The following AGPAT3 variants were observed in gnomAD, a reference collection of about 807,000 sequenced individuals.
The protein encoded by AGPAT3 is 1-acyl-sn-glycerol-3-phosphate acyltransferase gamma.
A neutral mutation model predicts 47.3 loss-of-function variants in AGPAT3; 5 were observed. The ratio of observed to expected loss-of-function variants is 0.11; its 90% confidence interval spans 0.06 to 0.22. The LOEUF is 0.22. AGPAT3 is among the 10% of genes least tolerant of loss of function. The pLI is 1.00. For missense variants in AGPAT3, 315 were observed against 493.0 expected, an observed-to-expected ratio of 0.64 and a Z score of 3.42; for synonymous variants, 212 against 208.3, an observed-to-expected ratio of 1.02 and a Z score of -0.15.
At chr21:43,898,923 TCA>T (rs1244155270) in intron 1 of AGPAT3, among the ~76,000 whole-genome samples, 1 of 152,168 alleles carries the variant, frequency 6.6e-6, no homozygotes, top group Non-Finnish European at 1.5e-5. Flanking sequence ...ACCATGTTGT[TCA>T]CGCTGGTCTC....
intron 2 of AGPAT3, among the ~76,000 whole-genome samples, chr21:43,904,671 G>T (rs1406555473): frequency 1.3e-5 from 2 of 152,126 alleles, no homozygotes; most frequent in Non-Finnish European, 2.9e-5. Flanking sequence ...CTCCTCCTGT[G>T]CTCCTGCAGC....
intron 1 of AGPAT3, among the ~76,000 whole-genome samples, chr21:43,877,737 C>T (rs868236547): frequency 2.8e-4 from 42 of 152,066 alleles, no homozygotes; most frequent in African/African-American, 9.4e-4. Flanking sequence ...AGCCACTGCG[C>T]CTGGCTGAAA....
At position 43,987,136 on chromosome 21, in the gene AGPAT3, A is replaced by T. The variant is rs554312678; in HGVS notation, c.*4744A>T. On this transcript the variant is annotated 3_prime_UTR_variant, in exon 10 of 10. Coordinates refer to ENST00000291572, the MANE Select transcript of AGPAT3 (RefSeq NM_020132.5). ...ATAAAATATCCACAATATAAGAGAA[A>T]GCGACTCCGTGCCTCCTTCTGTTTC... Among the ~76,000 whole-genome samples, 8 of 151,836 alleles carry T rather than the reference A, an allele frequency of 5.3e-5. No homozygotes were observed. The highest frequency in any genetic ancestry group is 8.8e-5 in the Non-Finnish European group (6 of 67,974).
At chr21:43,938,358 C>G (rs955428373) in intron 2 of AGPAT3, among the ~76,000 whole-genome samples, 1 of 104,528 alleles carries the variant, frequency 9.6e-6, no homozygotes, top group Non-Finnish European at 1.8e-5. Context: ...GAGTCTTGCT[C>G]TTGTTGCCCA....
At chr21:43,977,449 G>C (rs2089658649) in intron 7 of AGPAT3, among the ~76,000 whole-genome samples, 1 of 152,180 alleles carries the variant, frequency 6.6e-6, no homozygotes, top group South Asian at 2.1e-4. Flanking sequence ...AATCACTCGT[G>C]GGCACCCTGG....
chr21:43,958,859 G>GGT (rs1231170797), intron 2 of AGPAT3, among the ~76,000 whole-genome samples: 3 of 147,156 alleles, frequency 2.0e-5, no homozygotes, highest in Non-Finnish European at 4.5e-5. Flanking sequence ...TGTGGTTTGC[G>GGT]GTGTGTGTGT....
chr21:43,926,712 C>T (rs1167034132), intron 2 of AGPAT3, among the ~76,000 whole-genome samples: 2 of 137,116 alleles, frequency 1.5e-5, no homozygotes, highest in Non-Finnish European at 3.0e-5. Flanking sequence ...GTAATCCCAG[C>T]ACTTTGGGAG....
At chr21:43,956,605 G>A (rs991739400) in intron 2 of AGPAT3, among the ~76,000 whole-genome samples, 10 of 152,182 alleles carry the variant, frequency 6.6e-5, no homozygotes, top group African/African-American at 2.4e-4. Flanking sequence ...CACAGTGTGG[G>A]GGCATCAAAC....
Position 43,922,089 on chromosome 21 carries a change from T to A in AGPAT3, c.-49+18070T>A, listed in dbSNP as rs905627880. Among the ~76,000 whole-genome samples, 1 of 152,210 alleles carries A rather than the reference T, an allele frequency of 6.6e-6. No homozygotes were observed. Among genetic ancestry groups the A allele is most frequent in the Non-Finnish European group, 1.5e-5 (1 of 68,038 alleles). ...GCTTCCTTATTTGGGGGAGATTTTT[T>A]ATAATGGAAAAGGTTTCCTTTTTTG... On this transcript the variant is annotated intron_variant, in intron 2 of 9. Coordinates refer to ENST00000291572, the MANE Select transcript of AGPAT3 (RefSeq NM_020132.5). The surrounding 1 kb of genome is among the most constrained non-coding windows in gnomAD (Gnocchi z 4.9).
At chr21:43,945,436 G>A (rs1459305736) in intron 2 of AGPAT3, among the ~76,000 whole-genome samples, 1 of 152,236 alleles carries the variant, frequency 6.6e-6, no homozygotes, top group Non-Finnish European at 1.5e-5. Context: ...TAATGGTTTA[G>A]AAACTATCTT....
At chr21:43,977,915 T>C in intron 7 of AGPAT3, 131 bp from the exon 8 acceptor site, 1 of 617,722 alleles carries the variant, frequency 1.6e-6, no homozygotes, top group Non-Finnish European at 2.8e-6. Context: ...GAAAAGAAAT[T>C]GAGAGTGAGA....
chr21:43,959,082 T>TGTGTGTGTGGCATGTGAGTGGTTTGC (rs1555909854), intron 2 of AGPAT3, among the ~76,000 whole-genome samples: 1 of 121,986 alleles, frequency 8.2e-6, no homozygotes. Flanking sequence ...GTGTGGTTTG[T>TGTGTGTGTGGCATGTGAGTGGTTTGC]GGTGTGTGTG....
At chr21:43,917,273 G>A (rs909809887) in intron 2 of AGPAT3, among the ~76,000 whole-genome samples, 5 of 151,768 alleles carry the variant, frequency 3.3e-5, no homozygotes, top group Admixed American at 6.6e-5. Flanking sequence ...TTGCCGGCGC[G>A]GTCCCGCTGC....
intron 2 of AGPAT3, among the ~76,000 whole-genome samples, chr21:43,918,120 T>G (rs892194951): frequency 2.1e-5 from 3 of 141,014 alleles, no homozygotes; most frequent in African/African-American, 8.1e-5. Context: ...GTGTTATGGG[T>G]GTTGTGGGGG....
intron 7 of AGPAT3, among the ~76,000 whole-genome samples, chr21:43,977,549 T>C (rs2089664354): frequency 6.6e-6 from 1 of 152,200 alleles, no homozygotes; most frequent in Non-Finnish European, 1.5e-5. Flanking sequence ...GGCGGATGCC[T>C]GAGGAGAAGC....
At position 43,933,317 on chromosome 21, in the gene AGPAT3, G is replaced by C. The variant is rs2087321451; in HGVS notation, c.-48-26317G>C. On this transcript the variant is annotated intron_variant, in intron 2 of 9. Coordinates refer to ENST00000291572, the MANE Select transcript of AGPAT3 (RefSeq NM_020132.5). This position sits in a 1 kb window ranked among gnomAD's most constrained non-coding sequence, Gnocchi z 6.0. ...CTGCATCGGGCATGTGGTCTGCAGG[G>C]TTTTCTCTCCCTTGCGGGTCGTCTC... 6.6e-6 allele frequency among the ~76,000 whole-genome samples: 1 copy of C among 152,222 alleles called. No individual in the cohort carries two copies. Among genetic ancestry groups the C allele is most frequent in the Non-Finnish European group, 1.5e-5 (1 of 68,008 alleles).
At position 43,982,427 on chromosome 21, in the gene AGPAT3, G is replaced by C; in HGVS notation, c.*35G>C. Reference sequence around the variant, plus strand: ...GTGACTGAACACACGCGGCCCTGACGGTGGTATCCAGTTAACTCAAAACCA... The same window carrying C: ...GTGACTGAACACACGCGGCCCTGACCGTGGTATCCAGTTAACTCAAAACCA... On this transcript the variant is annotated 3_prime_UTR_variant, in exon 10 of 10. Coordinates refer to ENST00000291572, the MANE Select transcript of AGPAT3 (RefSeq NM_020132.5). This position sits in a 1 kb window ranked among gnomAD's most constrained non-coding sequence, Gnocchi z 6.2. The C allele has an allele frequency of 6.6e-7, 1 of 1,506,536 alleles. No homozygotes were observed. Among genetic ancestry groups the C allele is most frequent in the Non-Finnish European group, 9.2e-7 (1 of 1,085,400 alleles). The allele number at this position is 1,506,536 out of a possible 1,614,324, so 93.3% of individuals were successfully genotyped here.
Position 43,970,558 on chromosome 21 carries a change from C to T in AGPAT3, c.511-95C>T. On this transcript the variant is annotated intron_variant, in intron 5 of 9. Coordinates refer to ENST00000291572, the MANE Select transcript of AGPAT3 (RefSeq NM_020132.5). This position sits in a 1 kb window ranked among gnomAD's most constrained non-coding sequence, Gnocchi z 5.8. ...TCCAAGATTTCCACAAATTCAGCCA[C>T]AACCTTTGCTGCCTGTCAGAGAGGC... 1 of 1,385,918 alleles carries T rather than the reference C, an allele frequency of 7.2e-7. No homozygotes were observed. The highest frequency in any genetic ancestry group is 9.9e-7 in the Non-Finnish European group (1 of 1,009,870). The allele number at this position is 1,385,918 out of a possible 1,614,324, so 85.9% of individuals were successfully genotyped here. A position where few individuals can be genotyped will look rare whatever the true frequency, so the allele number is the denominator to read the frequency against.
In AGPAT3 at chr21:43,936,494, T is replaced by C. The variant is rs370603525; in HGVS notation, c.-48-23140T>C. Among the ~76,000 whole-genome samples the C allele has an allele frequency of 4.1e-4, 62 of 152,350 alleles. 1 individual carries two copies. The South Asian group carries it at 7.0e-3, about 17-fold the overall frequency. ...GCCTGGGAGTCAAAGCTGCAAGTTTTAGTTGTCTCCTCATGTACAAGGATT... is the reference window on the plus strand; with the variant it reads ...GCCTGGGAGTCAAAGCTGCAAGTTTCAGTTGTCTCCTCATGTACAAGGATT... On this transcript the variant is annotated intron_variant, in intron 2 of 9. Coordinates refer to ENST00000291572, the MANE Select transcript of AGPAT3 (RefSeq NM_020132.5).
Sources: allele counts gnomAD v4.1 joint callset (sites outside exome capture counted in the v4.1 genomes callset), GRCh38; gene constraint gnomAD v4.1.1; non-coding constraint Gnocchi (gnomAD v3.1); transcripts MANE v1.5; gene names NCBI Gene and HGNC (gene_info 2026-07-23, HGNC 2026-07-21).